The following IGDCC3 variants were observed in gnomAD, a reference collection of about 807,000 sequenced individuals.
IGDCC3 encodes putative neuronal cell adhesion molecule.
A neutral mutation model predicts 72.0 loss-of-function variants in IGDCC3; 47 were observed. The ratio of observed to expected loss-of-function variants is 0.65; its 90% CI spans 0.52 to 0.83. IGDCC3 has a LOEUF of 0.83. IGDCC3 is among the 40% of genes least tolerant of loss of function. IGDCC3 has a pLI of 0.00. For synonymous variants in IGDCC3, 477 were observed against 472.8 expected (o/e 1.01, Z -0.11); for missense variants, 1,038 against 1,091.3 (o/e 0.95, Z 0.69).
Position 65,333,372 on chromosome 15 carries a change from T to C in IGDCC3, c.867A>G (p.Thr289=), listed in dbSNP as rs903399911. The change falls in exon 6 of 14, where the codon ACA becomes ACG. Residue 289 remains threonine, a synonymous_variant. Coordinates refer to ENST00000327987, the MANE Select transcript of IGDCC3 (RefSeq NM_004884.4). ...TCACGTCTGAGATGATGAGGTTTCC[T>C]GTGCCCAGCACCTGGATGCCCTCCA... ...IGVEGIQVLG[T]GNLIISDVTV... is the part of the protein sequence containing the mutation. 1.2e-6 allele frequency: 2 copies of C among 1,611,392 alleles called. No individual in the cohort carries two copies. Among genetic ancestry groups the C allele is most frequent in the South Asian group, 1.1e-5 (1 of 90,642 alleles).
At chr15:65,343,149 A>G (rs1383341561) in intron 2 of IGDCC3, among the ~76,000 whole-genome samples, 3 of 152,178 alleles carry the variant, frequency 2.0e-5, no homozygotes, top group Admixed American at 6.5e-5. Flanking sequence ...TATGTTCGTA[A>G]ACTGCTTAGC....
In IGDCC3 at chr15:65,329,015, G is replaced by T. The variant is rs137945720; in HGVS notation, c.2339C>A (p.Ala780Glu). The T allele has an allele frequency of 1.1e-4, 171 of 1,611,892 alleles. 1 individual carries two copies. In the African/African-American group the frequency reaches 2.2e-3, roughly 21 times the overall value. ...TEATAPCAGL[A>E]AAPPPPDGGP... ...TCCATCTGGGGGTGGTGGGGCAGCC[G>T]CCAGGCCGGCGCAGGGAGCCGTGGC... The change falls in exon 14 of 14, where the codon GCG (alanine) becomes GAG (glutamate). Residue 780 changes from alanine (A) to glutamate (E), a missense_variant. Coordinates refer to ENST00000327987, the MANE Select transcript of IGDCC3 (RefSeq NM_004884.4). This position sits in a 1 kb window ranked among gnomAD's most constrained non-coding sequence, Gnocchi z 4.1.
In IGDCC3 at chr15:65,329,623, G is replaced by A; in HGVS notation, c.1998-26C>T. The A allele has an allele frequency of 6.2e-7, 1 of 1,611,960 alleles. No individual in the cohort carries two copies. The highest frequency in any genetic ancestry group is 1.1e-5 in the South Asian group (1 of 91,024). On this transcript the variant is annotated intron_variant, in intron 12 of 13. Transcript: ENST00000327987. This position sits in a 1 kb window ranked among gnomAD's most constrained non-coding sequence, Gnocchi z 4.1. Reference sequence around the variant, plus strand: ...CTAAGGGTTAGCCAAGAGTTGGGGGGAGGGAGAGAGAAAAGAGACAGAGGC... The same window carrying A: ...CTAAGGGTTAGCCAAGAGTTGGGGGAAGGGAGAGAGAAAAGAGACAGAGGC...
At chr15:65,346,326 C>G (rs934018983) in intron 2 of IGDCC3, among the ~76,000 whole-genome samples, 1 of 152,202 alleles carries the variant, frequency 6.6e-6, no homozygotes, top group African/African-American at 2.4e-5. Flanking sequence ...GCCTGCAGGT[C>G]TATGCCTGTA....
intron 2 of IGDCC3, among the ~76,000 whole-genome samples, chr15:65,369,367 C>A (rs1289229528): frequency 1.3e-5 from 2 of 152,206 alleles, no homozygotes; most frequent in Non-Finnish European, 2.9e-5. Flanking sequence ...CACACAGGAT[C>A]CCTGGTGTCC....
intron 2 of IGDCC3, among the ~76,000 whole-genome samples, chr15:65,340,797 C>T (rs2091074050): frequency 2.0e-5 from 3 of 152,294 alleles, no homozygotes; most frequent in South Asian, 4.1e-4. Flanking sequence ...GGTGAGATCT[C>T]AGCTCACTGC....
At chr15:65,333,444 G>A in intron 5 of IGDCC3, 29 bp from the exon 6 acceptor site, 1 of 1,572,816 alleles carries the variant, frequency 6.4e-7, no homozygotes. Context: ...GGGGATGGGT[G>A]AGGGTCAGAT....
At chr15:65,341,547 G>A (rs957274887) in intron 2 of IGDCC3, among the ~76,000 whole-genome samples, 5 of 152,208 alleles carry the variant, frequency 3.3e-5, no homozygotes, top group African/African-American at 1.2e-4. Flanking sequence ...TTAAAAAGGA[G>A]GAAATCCTGA....
intron 2 of IGDCC3, among the ~76,000 whole-genome samples, chr15:65,372,168 C>T (rs1274496465): frequency 2.6e-5 from 4 of 152,202 alleles, no homozygotes; most frequent in Non-Finnish European, 5.9e-5. Context: ...TCCCGTTACT[C>T]AGTGCTTCCT....
At chr15:65,331,740 G>C (rs2090980056) in intron 7 of IGDCC3, 81 bp from the exon 8 acceptor site, 1 of 1,478,442 alleles carries the variant, frequency 6.8e-7, no homozygotes, top group Non-Finnish European at 9.0e-7. Context: ...TGGAGAAACT[G>C]AGTCTTTCCA....
rs138514726 is a variant in IGDCC3 at position 65,350,203 on chromosome 15, C to T, written c.410-14247G>A. Among the ~76,000 whole-genome samples the T allele has an allele frequency of 6.7e-3, 1,013 of 152,266 alleles. 9 individuals carry two copies. The highest frequency in any genetic ancestry group is 0.023 in the African/African-American group (965 of 41,562). ...CGGGAGTGCAGTGGCTTGATCTTGG[C>T]TCACTGCAACCTCCACCTCCCAGGT... On this transcript the variant is annotated intron_variant, in intron 2 of 13. Coordinates refer to ENST00000327987, the MANE Select transcript of IGDCC3 (RefSeq NM_004884.4).
chr15:65,330,920 A>G (rs1031417132), intron 9 of IGDCC3, 130 bp downstream of exon 9: 23 of 1,170,768 alleles, frequency 2.0e-5, no homozygotes, highest in Non-Finnish European at 2.8e-5. Flanking sequence ...TCCTCCAAGT[A>G]GACTCAGCCC....
chr15:65,370,897 T>A (rs371346627), intron 2 of IGDCC3, among the ~76,000 whole-genome samples: 96 of 152,244 alleles, frequency 6.3e-4, no homozygotes, highest in African/African-American at 2.2e-3. Context: ...GTGCTGGGAT[T>A]TACAGGCATG....
chr15:65,344,324 T>C (rs1215243074), intron 2 of IGDCC3, among the ~76,000 whole-genome samples: 3 of 152,146 alleles, frequency 2.0e-5, no homozygotes, highest in East Asian at 3.9e-4. Flanking sequence ...TCTGCCTTCT[T>C]GGCCTCCTCA....
chr15:65,331,755 A>C, intron 7 of IGDCC3, 96 bp from the exon 8 acceptor site: 1 of 1,457,190 alleles, frequency 6.9e-7, no homozygotes, highest in South Asian at 1.4e-5. Flanking sequence ...TTTCCAGGAG[A>C]CAAACGACTT....
At chr15:65,358,601 A>G (rs1443760429) in intron 2 of IGDCC3, among the ~76,000 whole-genome samples, 3 of 152,218 alleles carry the variant, frequency 2.0e-5, no homozygotes, top group Non-Finnish European at 2.9e-5. Context: ...GGCACATTCA[A>G]AAAGCAAGAG....
intron 2 of IGDCC3, chr15:65,373,759 C>T (rs2091341652): frequency 6.5e-6 from 1 of 152,680 alleles, no homozygotes; most frequent in African/African-American, 2.4e-5. Flanking sequence ...TTCCATTCTC[C>T]CAGGGCTGTT....
chr15:65,353,013 A>G (rs1051175399), intron 2 of IGDCC3, among the ~76,000 whole-genome samples: 14 of 152,228 alleles, frequency 9.2e-5, no homozygotes, highest in Non-Finnish European at 2.9e-5. Flanking sequence ...CTGGATCAGT[A>G]TTCCAATTTT....
rs2090958639 is a variant in IGDCC3, at chr15:65,329,685, C to CCA, written c.1997+39_1997+40dup. The CCA allele has an allele frequency of 6.2e-7, 1 of 1,613,196 alleles. No homozygotes were observed. Among genetic ancestry groups the CCA allele is most frequent in the African/African-American group, 1.3e-5 (1 of 74,908 alleles). On this transcript the variant is annotated intron_variant, in intron 12 of 13. Transcript: ENST00000327987. The surrounding 1 kb of genome is among the most constrained non-coding windows in gnomAD (Gnocchi z 4.1). ...ACTCACCTTCTCTAGGCCTAGTCCC[C>CCA]CACACACCAGCCCAGCCCCTCTCCC... is the stretch of plus-strand genomic sequence containing the variant.
Sources: allele counts gnomAD v4.1 joint callset (sites outside exome capture counted in the v4.1 genomes callset), GRCh38; gene constraint gnomAD v4.1.1; non-coding constraint Gnocchi (gnomAD v3.1); transcripts MANE v1.5; gene names NCBI Gene and HGNC (gene_info 2026-07-23, HGNC 2026-07-21).